The following NELL1 variants were observed in gnomAD, a reference collection of about 807,000 sequenced individuals.
NELL1 encodes the protein protein kinase C-binding protein NELL1.
A neutral mutation model predicts 107.4 loss-of-function variants in NELL1; 76 were observed. That is an observed-to-expected ratio of 0.71 (90% CI 0.59 to 0.86). The LOEUF (loss-of-function observed/expected upper bound fraction) is 0.86. NELL1 is among the 40% of genes least tolerant of loss of function. The pLI is 0.00. For missense variants in NELL1, 1,024 were observed against 1,005.5 expected (o/e 1.02, Z -0.25); for synonymous variants, 353 against 341.2 (o/e 1.03, Z -0.38).
At chr11:20,774,183 C>T (rs1259935920) in intron 2 of NELL1, among the ~76,000 whole-genome samples, 1 of 97,962 alleles carries the variant, frequency 1.0e-5, no homozygotes, top group Non-Finnish European at 2.1e-5. Flanking sequence ...CCTCCCATCC[C>T]CTCCCCTCCC....
intron 15 of NELL1, among the ~76,000 whole-genome samples, chr11:21,492,375 C>G (rs1854845381): frequency 6.6e-6 from 1 of 152,032 alleles, no homozygotes; most frequent in South Asian, 2.1e-4. Flanking sequence ...TACCATTTGA[C>G]CCAGCCATCC....
intron 2 of NELL1, among the ~76,000 whole-genome samples, chr11:20,746,566 TCACACA>T (rs10556247): frequency 0.017 from 2,548 of 149,348 alleles, 28 homozygotes; most frequent in Middle Eastern, 0.028. Context: ...GTGACAGATT[TCACACA>T]CACACACACA....
intron 5 of NELL1, among the ~76,000 whole-genome samples, chr11:20,892,861 G>A (rs1237951040): frequency 6.6e-6 from 1 of 151,410 alleles, no homozygotes; most frequent in Non-Finnish European, 1.5e-5. Flanking sequence ...CCCATGAGGT[G>A]GAGGTTGCAG....
At chr11:20,778,183 C>T (rs1856784567) in intron 2 of NELL1, among the ~76,000 whole-genome samples, 1 of 152,088 alleles carries the variant, frequency 6.6e-6, no homozygotes, top group African/African-American at 2.4e-5. Context: ...ATGTTATCCC[C>T]AATCTCTATG....
intron 4 of NELL1, among the ~76,000 whole-genome samples, chr11:20,856,925 A>G (rs991266859): frequency 6.6e-6 from 1 of 152,226 alleles, no homozygotes; most frequent in Non-Finnish European, 1.5e-5. Context: ...TGCTAAGTGT[A>G]AGGTACATGG....
intron 12 of NELL1, among the ~76,000 whole-genome samples, chr11:21,006,522 G>T (rs1408338093): frequency 1.3e-5 from 2 of 151,958 alleles, no homozygotes; most frequent in African/African-American, 4.8e-5. Context: ...TTTTCCTGGT[G>T]GTATTCAAAA....
chr11:21,359,435 G>A (rs183948100), intron 14 of NELL1, among the ~76,000 whole-genome samples: 19 of 152,270 alleles, frequency 1.2e-4, no homozygotes, highest in Admixed American at 5.9e-4. Context: ...ATGCATCTAT[G>A]TTCACCAGGG....
intron 12 of NELL1, among the ~76,000 whole-genome samples, chr11:21,111,540 T>A (rs1279811588): frequency 1.3e-5 from 2 of 152,114 alleles, no homozygotes; most frequent in Non-Finnish European, 2.9e-5. Flanking sequence ...AACAGGTATA[T>A]GGTGCTTGCT....
intron 2 of NELL1, among the ~76,000 whole-genome samples, chr11:20,768,949 A>C (rs770475176): frequency 6.6e-6 from 1 of 152,350 alleles, no homozygotes; most frequent in South Asian, 2.1e-4. Flanking sequence ...AACAGCCATA[A>C]GAAACTAATA....
chr11:21,018,977 G>A (rs982763722), intron 12 of NELL1, among the ~76,000 whole-genome samples: 1 of 152,074 alleles, frequency 6.6e-6, no homozygotes, highest in African/African-American at 2.4e-5. Flanking sequence ...TCAGATTGCA[G>A]TTGGGAAGTT....
intron 2 of NELL1, among the ~76,000 whole-genome samples, chr11:20,724,669 C>G (rs1855468535): frequency 6.6e-6 from 1 of 152,174 alleles, no homozygotes; most frequent in Admixed American, 6.5e-5. Context: ...CAACGAGTCT[C>G]TAGGACATTC....
At chr11:21,112,750 T>C (rs1363927366) in intron 12 of NELL1, among the ~76,000 whole-genome samples, 1 of 152,040 alleles carries the variant, frequency 6.6e-6, no homozygotes, top group Non-Finnish European at 1.5e-5. Context: ...CATAGACTAT[T>C]AATCAGCAGA....
rs138990633 is a variant in NELL1 at position 20,826,476 on chromosome 11, T to A, written c.336-21107T>A. Among the ~76,000 whole-genome samples, 609 of 151,416 alleles carry A rather than the reference T, an allele frequency of 4.0e-3. 29 individuals are homozygous for A. Among genetic ancestry groups the A allele is most frequent in the Middle Eastern group, 0.035 (10 of 288 alleles). On this transcript the variant is annotated intron_variant, in intron 3 of 19. Coordinates refer to ENST00000357134, the MANE Select transcript of NELL1 (RefSeq NM_006157.5). Reference sequence around the variant, plus strand: ...GTGACCTTTATTCTAGATGGCCGTGTGCTTCACTAAGATTCAATTACTAAA... The same window carrying A: ...GTGACCTTTATTCTAGATGGCCGTGAGCTTCACTAAGATTCAATTACTAAA...
At chr11:21,465,421 C>A (rs1854003606) in intron 15 of NELL1, among the ~76,000 whole-genome samples, 1 of 152,030 alleles carries the variant, frequency 6.6e-6, no homozygotes, top group Admixed American at 6.6e-5. Context: ...GCTAATAATT[C>A]ACTGGGAGCT....
At chr11:20,973,352 C>T (rs1174725439) in intron 12 of NELL1, among the ~76,000 whole-genome samples, 1 of 152,156 alleles carries the variant, frequency 6.6e-6, no homozygotes, top group African/African-American at 2.4e-5. Context: ...AGGTGATCCA[C>T]CTGCCTCGGC....
intron 13 of NELL1, among the ~76,000 whole-genome samples, chr11:21,126,616 T>A (rs113142138): frequency 1.3e-5 from 2 of 152,174 alleles, no homozygotes; most frequent in African/African-American, 4.8e-5. Flanking sequence ...GAGTCCTAGG[T>A]GGTACTCAAT....
intron 2 of NELL1, among the ~76,000 whole-genome samples, chr11:20,742,630 G>T (rs1381980787): frequency 6.6e-6 from 1 of 152,168 alleles, no homozygotes; most frequent in East Asian, 1.9e-4. Context: ...GAGAGCGTGT[G>T]CAGGAGAACT....
chr11:20,850,846 G>A lies in NELL1; in HGVS notation c.506+3093G>A, dbSNP rs931965295. Among the ~76,000 whole-genome samples, 3 of 152,128 alleles carry A rather than the reference G, an allele frequency of 2.0e-5. No individual in the cohort carries two copies. The East Asian group carries it at 5.8e-4, about 29-fold the overall frequency. ...TAGGCCAGGTAATGTTCTAGTAATA[G>A]TATTCCTTAGGATAACCATATGGGG... On this transcript the variant is annotated intron_variant, in intron 4 of 19. Transcript: ENST00000357134.
At chr11:21,522,781 AC>A (rs758246062) in intron 15 of NELL1, among the ~76,000 whole-genome samples, 53 of 147,304 alleles carry the variant, frequency 3.6e-4, no homozygotes, top group Admixed American at 1.0e-3. Context: ...TTTATGAAAT[AC>A]CTTTTTTATC....
Sources: gnomAD v4.1 joint callset for allele counts (sites outside exome capture counted in the v4.1 genomes callset) on GRCh38, gnomAD v4.1.1 for gene constraint, MANE v1.5 for transcripts, NCBI Gene and HGNC (gene_info 2026-07-23, HGNC 2026-07-21) for gene names.